Variants in TMEM131 observed in about 807,000 individuals in gnomAD.
TMEM131 encodes 2610524E03Rik.
In TMEM131, 66 loss-of-function variants were observed where a neutral mutation model predicts 211.6. The ratio of observed to expected loss-of-function variants is 0.31; its 90% confidence interval spans 0.26 to 0.38. TMEM131 has a LOEUF of 0.38. Ranked by LOEUF, TMEM131 falls within the 10% of genes least tolerant of loss-of-function variation. The pLI, the probability that TMEM131 is intolerant of heterozygous loss-of-function variation, is 1.00. For synonymous variants in TMEM131, 844 were observed against 841.3 expected, an observed-to-expected ratio of 1.00 and a Z score of -0.06; for missense variants, 2,036 against 2,299.3, an observed-to-expected ratio of 0.89 and a Z score of 2.34.
intron 1 of TMEM131, among the ~76,000 whole-genome samples, chr2:97,945,891 TA>T (rs1236108645): frequency 6.6e-6 from 1 of 152,164 alleles, no homozygotes; most frequent in African/African-American, 2.4e-5. Flanking sequence ...TAAATTCACT[TA>T]AATTATGCTA....
chr2:97,758,401 G>A (rs911746518), intron 40 of TMEM131, among the ~76,000 whole-genome samples: 5 of 152,380 alleles, frequency 3.3e-5, no homozygotes, highest in African/African-American at 7.2e-5. Context: ...CTTTGCAGAA[G>A]ACTTTAGCCA....
At chr2:97,985,206 C>T (rs989922925) in intron 1 of TMEM131, among the ~76,000 whole-genome samples, 1 of 151,996 alleles carries the variant, frequency 6.6e-6, no homozygotes, top group Non-Finnish European at 1.5e-5. Context: ...CATAAGGATG[C>T]CTGCTTTTTC....
intron 2 of TMEM131, among the ~76,000 whole-genome samples, chr2:97,926,687 T>C (rs1317784439): frequency 6.6e-6 from 1 of 152,210 alleles, no homozygotes; most frequent in Admixed American, 6.5e-5. Context: ...CCAAAGACTA[T>C]TAGTGAATCA....
intron 1 of TMEM131, among the ~76,000 whole-genome samples, chr2:97,938,355 C>CA (rs892327020): frequency 1.6e-4 from 24 of 151,448 alleles, no homozygotes; most frequent in African/African-American, 4.8e-4. Flanking sequence ...AAATGGAAAT[C>CA]AAAAAAAAGC....
At chr2:97,983,464 A>T (rs1679888568) in intron 1 of TMEM131, among the ~76,000 whole-genome samples, 1 of 152,156 alleles carries the variant, frequency 6.6e-6, no homozygotes, top group Non-Finnish European at 1.5e-5. Context: ...TCTAGGCGCC[A>T]CTAAGGGCTG....
chr2:97,792,765 C>T lies in TMEM131; in HGVS notation c.3765G>A (p.Gln1255=), dbSNP rs61753926. 4.6e-4 allele frequency: 750 copies of T among 1,614,006 alleles called. 1 individual carries two copies. The highest frequency in any genetic ancestry group is 4.0e-3 in the African/African-American group (302 of 75,048). The change falls in exon 31 of 41, where the codon CAG becomes CAA. Residue 1255 remains glutamine, a synonymous_variant. Coordinates refer to ENST00000186436, the MANE Select transcript of TMEM131 (RefSeq NM_015348.2). ...SRTSAQAASS[Q]SANKTSPLVL... is the part of the protein sequence containing the mutation. ...CAAGGGGGCTTGTTTTGTTAGCAGACTGTGAAGAAGCTGCTTGAGCAGAAG... is the reference window on the plus strand; with the variant it reads ...CAAGGGGGCTTGTTTTGTTAGCAGATTGTGAAGAAGCTGCTTGAGCAGAAG...
chr2:97,955,678 A>G (rs1157588973), intron 1 of TMEM131, among the ~76,000 whole-genome samples: 1 of 152,186 alleles, frequency 6.6e-6, no homozygotes, highest in African/African-American at 2.4e-5. Flanking sequence ...CAAAAAGTTA[A>G]AAACAAGACA....
At chr2:97,969,876 T>C (rs1337565942) in intron 1 of TMEM131, among the ~76,000 whole-genome samples, 1 of 152,208 alleles carries the variant, frequency 6.6e-6, no homozygotes, top group African/African-American at 2.4e-5. Flanking sequence ...CATCCACTTA[T>C]CTAAATGTTA....
intron 3 of TMEM131, among the ~76,000 whole-genome samples, chr2:97,889,529 T>A (rs1433743829): frequency 6.9e-6 from 1 of 145,762 alleles, no homozygotes; most frequent in Non-Finnish European, 1.5e-5. Flanking sequence ...AAGGCATAAC[T>A]GTATGTCATT....
At chr2:97,788,336 C>T (rs1388139835) in intron 31 of TMEM131, among the ~76,000 whole-genome samples, 4 of 152,168 alleles carry the variant, frequency 2.6e-5, no homozygotes, top group Admixed American at 6.5e-5. Flanking sequence ...TTCTCAGCAA[C>T]GTGGAATCTG....
At position 97,983,163 on chromosome 2, in the gene TMEM131, C is replaced by A. The variant is rs148440334; in HGVS notation, c.187+12313G>T. 4.1e-3 allele frequency among the ~76,000 whole-genome samples: 629 copies of A among 152,170 alleles called. 4 individuals are homozygous for A. Among genetic ancestry groups the A allele is most frequent in the African/African-American group, 0.014 (596 of 41,504 alleles). Reference sequence around the variant, plus strand: ...CTTCTTCTTCCCCATGCTAGCCTTTCCTTAAAAATTACTTTTGTTTTTTGT... The same window carrying A: ...CTTCTTCTTCCCCATGCTAGCCTTTACTTAAAAATTACTTTTGTTTTTTGT... On this transcript the variant is annotated intron_variant, in intron 1 of 40. Coordinates refer to ENST00000186436, the MANE Select transcript of TMEM131 (RefSeq NM_015348.2).
At chr2:97,894,038 C>G (rs1478922219) in intron 3 of TMEM131, among the ~76,000 whole-genome samples, 1 of 152,182 alleles carries the variant, frequency 6.6e-6, no homozygotes, top group Non-Finnish European at 1.5e-5. Context: ...TTTAATCCAT[C>G]TTGAGATAAT....
At chr2:97,892,357 G>A (rs7557495) in intron 3 of TMEM131, among the ~76,000 whole-genome samples, 1 of 151,936 alleles carries the variant, frequency 6.6e-6, no homozygotes, top group African/African-American at 2.4e-5. Flanking sequence ...TCGAAATGAT[G>A]ATCATTTTTT....
intron 1 of TMEM131, among the ~76,000 whole-genome samples, chr2:97,935,746 C>T (rs1677414780): frequency 6.6e-6 from 1 of 152,118 alleles, no homozygotes; most frequent in Non-Finnish European, 1.5e-5. Flanking sequence ...AAATTGGCAG[C>T]ATCAGAATAA....
intron 5 of TMEM131, among the ~76,000 whole-genome samples, chr2:97,851,981 C>G (rs945257218): frequency 4.6e-5 from 7 of 152,138 alleles, no homozygotes; most frequent in African/African-American, 1.4e-4. Context: ...AAGAGAGGCT[C>G]AAAGCTAGGC....
chr2:97,921,325 G>A (rs1446243086), intron 2 of TMEM131, among the ~76,000 whole-genome samples: 1 of 152,098 alleles, frequency 6.6e-6, no homozygotes, highest in Non-Finnish European at 1.5e-5. Context: ...ATAAAATCTT[G>A]ATCTCACATC....
intron 3 of TMEM131, among the ~76,000 whole-genome samples, chr2:97,904,130 G>A (rs1213571784): frequency 6.6e-6 from 1 of 151,994 alleles, no homozygotes; most frequent in Admixed American, 6.6e-5. Context: ...AATAAAAGAC[G>A]TTAATGGGAC....
intron 11 of TMEM131, among the ~76,000 whole-genome samples, chr2:97,823,808 C>T (rs1473873875): frequency 1.3e-5 from 2 of 152,166 alleles, no homozygotes; most frequent in African/African-American, 4.8e-5. Flanking sequence ...GAAATATACT[C>T]TCCTGTCACC....
chr2:97,967,876 G>A (rs938644750), intron 1 of TMEM131, among the ~76,000 whole-genome samples: 1 of 151,210 alleles, frequency 6.6e-6, no homozygotes, highest in Non-Finnish European at 1.5e-5. Flanking sequence ...GATGTCTTAC[G>A]CCACTTTTTT....
Sources: gnomAD v4.1 joint callset for allele counts (sites outside exome capture counted in the v4.1 genomes callset) on GRCh38, gnomAD v4.1.1 for gene constraint, MANE v1.5 for transcripts, NCBI Gene and HGNC (gene_info 2026-07-23, HGNC 2026-07-21) for gene names.